The following NAV2 variants were observed in gnomAD, a reference collection of about 807,000 sequenced individuals.
NAV2 encodes the protein helicase, APC down-regulated 1.
In NAV2, 54 loss-of-function variants were observed where a neutral mutation model predicts 223.2. The ratio of observed to expected loss-of-function variants is 0.24; its 90% confidence interval spans 0.19 to 0.30. The LOEUF (loss-of-function observed/expected upper bound fraction) is 0.30. Among genes scored for constraint, NAV2 ranks in the 10% least tolerant of loss-of-function variants. NAV2 has a pLI of 1.00. For missense variants in NAV2, 2,806 were observed against 3,147.5 expected, an observed-to-expected ratio of 0.89 and a Z score of 2.60; for synonymous variants, 1,279 against 1,239.3, an observed-to-expected ratio of 1.03 and a Z score of -0.67.
chr11:19,663,439 T>C (rs2135746050), intron 1 of NAV2, among the ~76,000 whole-genome samples: 1 of 152,202 alleles, frequency 6.6e-6, no homozygotes, highest in Non-Finnish European at 1.5e-5. Flanking sequence ...ACTTCTGAGG[T>C]TACAAAGTCA....
intron 1 of NAV2, among the ~76,000 whole-genome samples, chr11:19,636,672 A>G (rs1343847683): frequency 3.9e-5 from 6 of 152,026 alleles, no homozygotes; most frequent in Non-Finnish European, 7.4e-5. Context: ...GGGTTTCACC[A>G]TGTTACCCAG....
In NAV2 at chr11:19,933,820, G is replaced by A. The variant is rs950735736; in HGVS notation, c.1576G>A (p.Gly526Arg). ...GGAGGAGCCAAAAGAAGACCCCAGT[G>A]GAGCAGCTGTGCCCGAGATGCCAAA... is the stretch of plus-strand genomic sequence containing the variant. ...LKEEPKEDPS[G>R]AAVPEMPKKS... The change falls in exon 7 of 38, where the codon GGA becomes AGA. Residue 526 changes from glycine to arginine, a missense_variant. This residue lies in a region of NAV2 where 1,167 missense variants were observed against 1,180.5 expected (regional missense o/e 0.99). Transcript: ENST00000349880. The surrounding 1 kb of genome is among the most constrained non-coding windows in gnomAD (Gnocchi z 4.3). 6 of 1,612,788 alleles carry A rather than the reference G, an allele frequency of 3.7e-6. No homozygotes were observed. In the Admixed American group the frequency reaches 1.0e-4, roughly 27 times the overall value.
chr11:19,506,172 G>A lies in NAV2; in HGVS notation c.75+155145G>A, dbSNP rs113049057. The A allele has an allele frequency of 3.0e-4, 45 of 152,312 alleles. 1 individual carries two copies. Among genetic ancestry groups the A allele is most frequent in the African/African-American group, 1.0e-3 (43 of 41,458 alleles). The allele number at this position is 152,312 out of a possible 1,614,324, so 9.4% of individuals were successfully genotyped here. On this transcript the variant is annotated intron_variant, in intron 1 of 37. Transcript: ENST00000360655. ...CTGCACTTCAGGATTGTATCACCCA[G>A]TCCTAATGGCAGCCTCTCAGGAGAC... is the stretch of plus-strand genomic sequence containing the variant.
At chr11:20,077,109 T>A (rs909490187) in intron 22 of NAV2, among the ~76,000 whole-genome samples, 12 of 152,300 alleles carry the variant, frequency 7.9e-5, no homozygotes, top group African/African-American at 2.9e-4. Flanking sequence ...TCCATTGTAG[T>A]AGAGAAGACA....
intron 1 of NAV2, among the ~76,000 whole-genome samples, chr11:19,623,937 T>C (rs1231877458): frequency 1.3e-5 from 2 of 152,224 alleles, no homozygotes; most frequent in African/African-American, 4.8e-5. Flanking sequence ...GATGTACAGA[T>C]GGGGTTTTGG....
At chr11:19,697,072 G>C (rs563781780) in intron 1 of NAV2, among the ~76,000 whole-genome samples, 3 of 152,340 alleles carry the variant, frequency 2.0e-5, no homozygotes, top group African/African-American at 7.2e-5. Context: ...ACTTACCTCA[G>C]AACTATCCTG....
intron 1 of NAV2, among the ~76,000 whole-genome samples, chr11:19,446,311 C>A (rs1025497249): frequency 1.3e-5 from 2 of 152,118 alleles, no homozygotes; most frequent in Non-Finnish European, 2.9e-5. Flanking sequence ...TTCCTAGATG[C>A]CTCCATGTTT....
At chr11:19,709,294 G>A (rs1434369048), upstream of NAV2, among the ~76,000 whole-genome samples, 2 of 152,156 alleles carry the variant, frequency 1.3e-5, no homozygotes, top group Non-Finnish European at 2.9e-5. Flanking sequence ...TGTAATCCCA[G>A]CACTTTGGGA....
At chr11:20,097,403 C>T (rs992577048) in intron 30 of NAV2, among the ~76,000 whole-genome samples, 174 bp from the exon 31 acceptor site, 6 of 152,034 alleles carry the variant, frequency 3.9e-5, no homozygotes, top group African/African-American at 9.7e-5. Context: ...CTGTGGTACT[C>T]GGGCTTTATC....
chr11:19,902,302 C>T (rs1292548185), intron 6 of NAV2, among the ~76,000 whole-genome samples: 2 of 152,166 alleles, frequency 1.3e-5, no homozygotes, highest in East Asian at 3.9e-4. Context: ...GAAGAGGAGA[C>T]ACAAAAATCC....
rs1316111926 is a variant in NAV2 at position 19,998,588 on chromosome 11, C to T, written c.2768+14341C>T. ...TGGCCCCTGCGCACCTCTCCAGCCT[C>T]ACCTCATCACGCTTTACCTCCCTGA... On this transcript the variant is annotated intron_variant, in intron 11 of 37. Transcript: ENST00000349880. This position sits in a 1 kb window ranked among gnomAD's most constrained non-coding sequence, Gnocchi z 5.0. Among the ~76,000 whole-genome samples the T allele has an allele frequency of 6.6e-6, 1 of 152,166 alleles. No homozygotes were observed. Among genetic ancestry groups the T allele is most frequent in the African/African-American group, 2.4e-5 (1 of 41,428 alleles).
chr11:19,795,611 AG>A (rs1209510023), intron 1 of NAV2, among the ~76,000 whole-genome samples: 2 of 152,240 alleles, frequency 1.3e-5, no homozygotes, highest in Non-Finnish European at 2.9e-5. Context: ...AGATTTATAA[AG>A]TAAGGCTAAC....
intron 11 of NAV2, among the ~76,000 whole-genome samples, chr11:20,013,320 A>G (rs1413063406): frequency 6.6e-6 from 1 of 152,164 alleles, no homozygotes; most frequent in Non-Finnish European, 1.5e-5. Flanking sequence ...TGTGCCAGTC[A>G]CTCTATTTAA....
At chr11:19,597,626 G>A (rs924175502) in intron 1 of NAV2, among the ~76,000 whole-genome samples, 4 of 152,222 alleles carry the variant, frequency 2.6e-5, no homozygotes, top group Non-Finnish European at 4.4e-5. Context: ...ACTGCCTGCC[G>A]TATAGGTTTT....
intron 1 of NAV2, among the ~76,000 whole-genome samples, chr11:19,826,101 T>G (rs1444671655): frequency 6.6e-6 from 1 of 152,116 alleles, no homozygotes; most frequent in Non-Finnish European, 1.5e-5. Flanking sequence ...TGTCAAAGGA[T>G]CCTAGAGACT....
intron 35 of NAV2, among the ~76,000 whole-genome samples, chr11:20,106,676 C>T (rs530561665): frequency 3.3e-4 from 50 of 150,088 alleles, no homozygotes; most frequent in African/African-American, 1.2e-3. Flanking sequence ...GAGTTTTGCT[C>T]TTGTTGCCCA....
intron 1 of NAV2, among the ~76,000 whole-genome samples, chr11:19,374,771 C>T (rs149531914): frequency 1.1e-4 from 16 of 152,264 alleles, no homozygotes; most frequent in African/African-American, 3.4e-4. Context: ...AACGTTCTCC[C>T]GCTTTGTTCT....
intron 1 of NAV2, among the ~76,000 whole-genome samples, chr11:19,425,851 A>G (rs1360956679): frequency 6.6e-6 from 1 of 152,206 alleles, no homozygotes; most frequent in Non-Finnish European, 1.5e-5. Context: ...CTGAACATCA[A>G]TTCCCAAGGC....
chr11:19,877,526 G>T (rs1245737566), intron 4 of NAV2, among the ~76,000 whole-genome samples: 4 of 111,216 alleles, frequency 3.6e-5, no homozygotes, highest in Non-Finnish European at 7.0e-5. Context: ...AGGCTGGAGT[G>T]CAGTGGCGTG....
Sources: allele counts gnomAD v4.1 joint callset (sites outside exome capture counted in the v4.1 genomes callset), GRCh38; gene constraint gnomAD v4.1.1; regional missense constraint gnomAD v4.1.1; non-coding constraint Gnocchi (gnomAD v3.1); transcripts MANE v1.5; gene names NCBI Gene and HGNC (gene_info 2026-07-23, HGNC 2026-07-21).